Variants in TTN observed in about 807,000 individuals in gnomAD.
TTN encodes the protein connectin.
A neutral mutation model predicts 3,223.0 loss-of-function variants in TTN; 1,525 were observed. The observed-to-expected ratio is 0.47, with a 90% CI of 0.45 to 0.49. The LOEUF is 0.49. Ranked by LOEUF, TTN falls within the 20% of genes least tolerant of loss-of-function variation. The pLI is 0.00. For synonymous variants in TTN, 14,094 were observed against 15,161.0 expected (o/e 0.93, Z 5.17); for missense variants, 40,786 against 43,424.0 (o/e 0.94, Z 5.40).
chr2:178,565,350 C>G lies in TTN; in HGVS notation c.80782G>C (p.Val26928Leu). 4 of 1,613,610 alleles carry G rather than the reference C, an allele frequency of 2.5e-6. No individual in the cohort carries two copies. The highest frequency in any genetic ancestry group is 1.7e-6 in the Non-Finnish European group (2 of 1,179,678). ...EPLKQTTRVN[V>L]EETATSTVLH... Reference sequence around the variant, plus strand: ...ACAGTTGAGGTAGCTGTTTCTTCAACGTTTACTCTTGTTGTCTGTTTAAGA... The same window carrying G: ...ACAGTTGAGGTAGCTGTTTCTTCAAGGTTTACTCTTGTTGTCTGTTTAAGA... Residue 26928 changes from valine (V) to leucine (L), a missense_variant, in exon 326 of 363, where the codon GTT becomes CTT. By Grantham distance (32) the Val-to-Leu change is conservative. Coordinates refer to ENST00000589042, the MANE Select transcript of TTN (RefSeq NM_001267550.2).
intron 43 of TTN, 84 bp from the exon 44 acceptor site, chr2:178,759,256 A>G: frequency 1.5e-6 from 2 of 1,317,226 alleles, no homozygotes; most frequent in Non-Finnish European, 2.2e-6. Context: ...TGTTAATAAT[A>G]CTAGTGCCTA....
Position 178,634,153 on chromosome 2 carries a change from C to T in TTN, c.42416-70G>A. On this transcript the variant is annotated intron_variant, in intron 230 of 362. Coordinates refer to ENST00000589042, the MANE Select transcript of TTN (RefSeq NM_001267550.2). The surrounding 1 kb of genome is among the most constrained non-coding windows in gnomAD (Gnocchi z 4.6). ...TCAGAAAGATTCCATTCTAATCTGC[C>T]TGAGTAAAAGGGACCCATTTCACAT... 6 of 1,581,816 alleles carry T rather than the reference C, an allele frequency of 3.8e-6. No individual in the cohort carries two copies. The highest frequency in any genetic ancestry group is 2.3e-5 in the East Asian group (1 of 44,300).
chr2:178,729,488 G>A lies in TTN; in HGVS notation c.18668C>T (p.Thr6223Met), dbSNP rs794727817. ...YSDVELECEV[T>M]GTPPFEVTWL... Reference sequence around the variant, plus strand: ...AGTGACTTCAAACGGAGGTGTTCCCGTAACTTCACACTCCAGCTCCACGTC... The same window carrying A: ...AGTGACTTCAAACGGAGGTGTTCCCATAACTTCACACTCCAGCTCCACGTC... The change falls in exon 64 of 363, where the codon ACG becomes ATG. Residue 6223 changes from threonine to methionine, a missense_variant. Coordinates refer to ENST00000589042, the MANE Select transcript of TTN (RefSeq NM_001267550.2). 22 of 1,613,528 alleles carry A rather than the reference G, an allele frequency of 1.4e-5. No homozygotes were observed. The highest frequency in any genetic ancestry group is 2.2e-5 in the East Asian group (1 of 44,850).
At chr2:178,783,848 T>C in intron 16 of TTN, 63 bp from the exon 17 acceptor site, 1 of 1,346,786 alleles carries the variant, frequency 7.4e-7, no homozygotes, top group Admixed American at 1.7e-5. Flanking sequence ...CATAAACTCT[T>C]AGCTCATGCA....
In TTN at chr2:178,583,863, A is replaced by G. The variant is rs746956869; in HGVS notation, c.65319T>C (p.Thr21773=). The G allele has an allele frequency of 2.7e-5, 43 of 1,606,022 alleles. 1 individual carries two copies. In the Middle Eastern group the frequency reaches 2.6e-3, roughly 99 times the overall value. The change falls in exon 312 of 363, where the codon ACT becomes ACC. Residue 21773 remains threonine, a synonymous_variant. Transcript: ENST00000589042. ...TTGGACGAGCCCAGATCAGAGATACAGTACTCTTGGTGACATCAATAACCT... is the reference window on the plus strand; with the variant it reads ...TTGGACGAGCCCAGATCAGAGATACGGTACTCTTGGTGACATCAATAACCT... ...KPEVIDVTKS[T]VSLIWARPKH...
Position 178,579,046 on chromosome 2 carries a change from T to G in TTN, c.67984A>C (p.Thr22662Pro), listed in dbSNP as rs1484148632. The G allele has an allele frequency of 6.2e-7, 1 of 1,613,164 alleles. No individual in the cohort carries two copies. Among genetic ancestry groups the G allele is most frequent in the Non-Finnish European group, 8.5e-7 (1 of 1,179,516 alleles). Residue 22662 changes from threonine to proline, a missense_variant, in exon 320 of 363, where the codon ACC becomes CCC. Transcript: ENST00000589042. ...KFDEVTAEAMTLKWAPPKDDG... is the reference protein window; with the variant it reads ...KFDEVTAEAMPLKWAPPKDDG... ...TCCTTTGGAGGAGCCCACTTTAAGGTCATGGCTTCTGCTGTGACTTCATCA... is the reference window on the plus strand; with the variant it reads ...TCCTTTGGAGGAGCCCACTTTAAGGGCATGGCTTCTGCTGTGACTTCATCA...
chr2:178,706,620 C>T lies in TTN; in HGVS notation c.29254G>A (p.Asp9752Asn), dbSNP rs1420103092. ...TCCCTAATCTCCAGTTTTGCTTCAT[C>T]GCCTTTTTGGTGGATGAAAACACGA... ...GGRVFIHQKG[D>N]EAKLEIRDTT... Residue 9752 changes from aspartate to asparagine, a missense_variant, in exon 102 of 363, where the codon GAT becomes AAT. Asp to Asn is a conservative substitution (Grantham distance 23). Transcript: ENST00000589042. 26 of 1,613,792 alleles carry T rather than the reference C, an allele frequency of 1.6e-5. No homozygotes were observed. Among genetic ancestry groups the T allele is most frequent in the East Asian group, 4.5e-5 (2 of 44,884 alleles).
intron 27 of TTN, 25 bp from the exon 28 acceptor site, chr2:178,777,074 A>G (rs745761594): frequency 6.2e-7 from 1 of 1,613,972 alleles, no homozygotes; most frequent in Admixed American, 1.7e-5. Context: ...GGGAGGGAAT[A>G]ATCAATATAG....
At chr2:178,624,003 T>G (rs1387697631) in intron 242 of TTN, among the ~76,000 whole-genome samples, 1 of 151,998 alleles carries the variant, frequency 6.6e-6, no homozygotes, top group Non-Finnish European at 1.5e-5. Context: ...AGATCTCTAG[T>G]ATGCTCCTAT....
intron 2 of TTN, among the ~76,000 whole-genome samples, 188 bp from the exon 3 acceptor site, chr2:178,802,529 G>A (rs2094119665): frequency 6.6e-6 from 1 of 152,198 alleles, no homozygotes; most frequent in Admixed American, 6.5e-5. Flanking sequence ...AGGAAGGCAG[G>A]AAGGGAGGAA....
At chr2:178,614,010 A>G (rs779818768) in intron 262 of TTN, 42 bp downstream of exon 262, 8 of 1,609,764 alleles carry the variant, frequency 5.0e-6, no homozygotes, top group South Asian at 4.4e-5. Context: ...CAAGTTTGAC[A>G]TAAGCATCCT....
chr2:178,665,532 A>C, intron 164 of TTN, 72 bp from the exon 165 acceptor site: 3 of 1,510,346 alleles, frequency 2.0e-6, no homozygotes, highest in South Asian at 1.2e-5. Flanking sequence ...GAGCTGAACC[A>C]AAGTGATATT....
intron 88 of TTN, 22 bp from the exon 89 acceptor site, chr2:178,715,796 C>A: frequency 6.4e-7 from 1 of 1,560,764 alleles, no homozygotes; most frequent in Non-Finnish European, 8.7e-7. Flanking sequence ...AGAGGAAAAA[C>A]ACAGGGTAAG....
chr2:178,650,480 G>C (rs765350405), intron 209 of TTN, among the ~76,000 whole-genome samples: 4 of 152,030 alleles, frequency 2.6e-5, no homozygotes, highest in Admixed American at 6.6e-5. Context: ...AGTGTTTAAT[G>C]TCATTTATAA....
At chr2:178,758,416 T>C (rs1334204409) in intron 44 of TTN, among the ~76,000 whole-genome samples, 6 of 152,132 alleles carry the variant, frequency 3.9e-5, no homozygotes, top group African/African-American at 1.2e-4. Flanking sequence ...AAATTCCCCA[T>C]GTTACTGAGG....
intron 38 of TTN, 77 bp downstream of exon 38, chr2:178,768,596 T>A (rs2090942669): frequency 6.3e-7 from 1 of 1,598,390 alleles, no homozygotes; most frequent in African/African-American, 1.3e-5. Flanking sequence ...TATTTATCCA[T>A]TCATTAATTG....
chr2:178,690,136 C>G (rs1006637752), intron 121 of TTN, among the ~76,000 whole-genome samples: 3 of 152,154 alleles, frequency 2.0e-5, no homozygotes, highest in African/African-American at 7.2e-5. Context: ...AAGTTGTGCA[C>G]AGAATTCATC....
rs2154212161 is a variant in TTN, at chr2:178,621,689, T to C, written c.45135A>G (p.Thr15045=). 2 of 1,612,190 alleles carry C rather than the reference T, an allele frequency of 1.2e-6. No individual in the cohort carries two copies. Among genetic ancestry groups the C allele is most frequent in the South Asian group, 2.2e-5 (2 of 91,026 alleles). The change falls in exon 245 of 363, where the codon ACA becomes ACG. Residue 15045 remains threonine (T), a synonymous_variant. Coordinates refer to ENST00000589042, the MANE Select transcript of TTN (RefSeq NM_001267550.2). ...KNLANIEVSE[T]DTIKLVCEVS... ...CTTCACAAACCAGTTTTATAGTGTC[T>C]GTTTCACTAACTTCAATGTTGGCAA... is the stretch of plus-strand genomic sequence containing the variant.
At chr2:178,584,092 T>A (rs938226341) in intron 311 of TTN, among the ~76,000 whole-genome samples, 184 bp downstream of exon 311, 2 of 152,018 alleles carry the variant, frequency 1.3e-5, no homozygotes, top group African/African-American at 4.8e-5. Context: ...AAATTATATG[T>A]CCTTTTCTTT....
Sources: allele counts gnomAD v4.1 joint callset (sites outside exome capture counted in the v4.1 genomes callset), GRCh38; gene constraint gnomAD v4.1.1; non-coding constraint Gnocchi (gnomAD v3.1); transcripts MANE v1.5; gene names NCBI Gene and HGNC (gene_info 2026-07-23, HGNC 2026-07-21).